Variants in EXOC6B observed in about 807,000 individuals in gnomAD.
The protein encoded by EXOC6B is exocyst complex component 6B.
In EXOC6B, 54 loss-of-function variants were observed where a neutral mutation model predicts 113.5. That is an observed-to-expected ratio of 0.48 (90% CI 0.38 to 0.60). The LOEUF (loss-of-function observed/expected upper bound fraction) is 0.60, where lower values mean the gene tolerates loss of function less well. Among genes scored for constraint, EXOC6B ranks in the 20% least tolerant of loss-of-function variants. The pLI is 0.00. For missense variants in EXOC6B, 797 were observed against 977.5 expected (o/e 0.82, Z 2.46); for synonymous variants, 357 against 339.0 (o/e 1.05, Z -0.58).
Position 72,401,590 on chromosome 2 carries a change from T to TACAC in EXOC6B, c.1981-21721_1981-21720insGTGT, listed in dbSNP as rs1235135215. Among the ~76,000 whole-genome samples the TACAC allele has an allele frequency of 6.1e-4, 26 of 42,792 alleles. 2 individuals carry two copies. The highest frequency in any genetic ancestry group is 2.2e-3 in the Admixed American group (7 of 3,144). 28.1% of individuals were successfully genotyped at this position (42,792 alleles called of 152,430 possible). A position where few individuals can be genotyped will look rare whatever the true frequency, so the allele number is the denominator to read the frequency against. On this transcript the variant is annotated intron_variant, in intron 18 of 21. Coordinates refer to ENST00000272427, the MANE Select transcript of EXOC6B (RefSeq NM_015189.3). The stretch of plus-strand genomic sequence containing the variant: ...ACATATATATATATATACATATATA[T>TACAC]ATATATATATATGTGTATATATATA...
At chr2:72,261,958 G>T (rs1291488905) in intron 20 of EXOC6B, among the ~76,000 whole-genome samples, 4 of 152,146 alleles carry the variant, frequency 2.6e-5, no homozygotes, top group Non-Finnish European at 4.4e-5. Context: ...TGATGAAAGA[G>T]ATGCCCAGGA....
chr2:72,823,470 A>C (rs966248372), intron 1 of EXOC6B, among the ~76,000 whole-genome samples: 13 of 138,366 alleles, frequency 9.4e-5, no homozygotes, highest in East Asian at 2.0e-4. Context: ...AAAAAAAAAA[A>C]AAAAAAAACA....
chr2:72,516,904 C>T lies in EXOC6B; in HGVS notation c.916-1778G>A, dbSNP rs140166319. Among the ~76,000 whole-genome samples the T allele has an allele frequency of 4.8e-3, 732 of 152,190 alleles. 9 individuals carry two copies. Among genetic ancestry groups the T allele is most frequent in the African/African-American group, 0.016 (680 of 41,524 alleles). ...TAAAATCAATGATTAAAGTAAAAGC[C>T]CTGCCCACCTAAAAAAAGTATAAAT... On this transcript the variant is annotated intron_variant, in intron 8 of 21. Transcript: ENST00000272427.
chr2:72,772,628 A>G (rs186162854), intron 1 of EXOC6B, among the ~76,000 whole-genome samples: 1 of 152,160 alleles, frequency 6.6e-6, no homozygotes, highest in Non-Finnish European at 1.5e-5. Flanking sequence ...ACACCCAGGC[A>G]ACAGGACTGA....
intron 19 of EXOC6B, among the ~76,000 whole-genome samples, chr2:72,350,922 C>A (rs1480754486): frequency 2.0e-5 from 3 of 152,154 alleles, no homozygotes; most frequent in Non-Finnish European, 4.4e-5. Flanking sequence ...GCAGCCCTGT[C>A]TTTAAAATGT....
intron 1 of EXOC6B, among the ~76,000 whole-genome samples, chr2:72,797,842 TA>T (rs1345237207): frequency 2.7e-5 from 4 of 149,140 alleles, no homozygotes; most frequent in Non-Finnish European, 4.4e-5. Flanking sequence ...TAATTAATAA[TA>T]ATAATTATCA....
At chr2:72,527,201 C>T (rs1701784441) in intron 8 of EXOC6B, among the ~76,000 whole-genome samples, 1 of 151,938 alleles carries the variant, frequency 6.6e-6, no homozygotes, top group East Asian at 1.9e-4. Flanking sequence ...GGGTATCCAT[C>T]CTTTCAAGCA....
At chr2:72,744,399 C>G (rs1681556557) in intron 1 of EXOC6B, among the ~76,000 whole-genome samples, 1 of 152,194 alleles carries the variant, frequency 6.6e-6, no homozygotes, top group East Asian at 1.9e-4. Flanking sequence ...TCTGCTTTGA[C>G]AAGTAGGAAA....
chr2:72,731,144 C>T lies in EXOC6B; in HGVS notation c.418+11G>A, dbSNP rs1178762170. The stretch of plus-strand genomic sequence containing the variant: ...TACACCAAGAATCCTTCTCCATTTC[C>T]AGTTCCTCACCTGGAAGACACAGCA... On this transcript the variant is annotated intron_variant, in intron 4 of 21. Transcript: ENST00000272427. 4.4e-6 allele frequency: 7 copies of T among 1,608,704 alleles called. No individual in the cohort carries two copies. The highest frequency in any genetic ancestry group is 5.9e-6 in the Non-Finnish European group (7 of 1,177,474).
At chr2:72,807,686 A>G (rs1685654929) in intron 1 of EXOC6B, among the ~76,000 whole-genome samples, 1 of 152,170 alleles carries the variant, frequency 6.6e-6, no homozygotes, top group African/African-American at 2.4e-5. Flanking sequence ...AGATCCTGTC[A>G]TTTGCAATAA....
intron 5 of EXOC6B, among the ~76,000 whole-genome samples, chr2:72,730,527 G>A (rs529205550): frequency 2.0e-5 from 3 of 151,562 alleles, no homozygotes; most frequent in African/African-American, 7.3e-5. Flanking sequence ...ACAATCATGT[G>A]AGCCAATTCC....
At chr2:72,377,616 A>T (rs780173840) in intron 19 of EXOC6B, among the ~76,000 whole-genome samples, 4 of 152,206 alleles carry the variant, frequency 2.6e-5, no homozygotes, top group South Asian at 2.1e-4. Flanking sequence ...CAGAAAGACA[A>T]ATAGTGCATA....
At chr2:72,578,774 GA>G (rs975993728) in intron 6 of EXOC6B, among the ~76,000 whole-genome samples, 3 of 151,946 alleles carry the variant, frequency 2.0e-5, no homozygotes, top group Non-Finnish European at 2.9e-5. Context: ...AGAGATAAAT[GA>G]AAAAAGTAAC....
At chr2:72,342,330 T>C (rs1027265430) in intron 19 of EXOC6B, among the ~76,000 whole-genome samples, 1 of 152,046 alleles carries the variant, frequency 6.6e-6, no homozygotes, top group Admixed American at 6.6e-5. Context: ...GTTAGCTTTC[T>C]TGAAAAGATA....
chr2:72,449,337 AT>A (rs1348772265), intron 18 of EXOC6B, among the ~76,000 whole-genome samples: 1 of 151,688 alleles, frequency 6.6e-6, no homozygotes, highest in Admixed American at 6.6e-5. Flanking sequence ...CGCCCAGCTA[AT>A]TTTTTTGTAT....
chr2:72,735,065 T>C (rs1016020334), intron 2 of EXOC6B, among the ~76,000 whole-genome samples: 1 of 152,194 alleles, frequency 6.6e-6, no homozygotes, highest in African/African-American at 2.4e-5. Context: ...TCAAGCAATG[T>C]GAATAAAAAT....
intron 20 of EXOC6B, among the ~76,000 whole-genome samples, chr2:72,221,308 G>C (rs547952972): frequency 3.3e-5 from 5 of 152,158 alleles, no homozygotes; most frequent in Non-Finnish European, 5.9e-5. Flanking sequence ...CTCTACGTTA[G>C]TTACTAAATT....
chr2:72,182,784 G>A (rs192060307), intron 21 of EXOC6B: 217 of 743,142 alleles, frequency 2.9e-4, no homozygotes, highest in East Asian at 2.5e-3. Flanking sequence ...ATGTCAGGGC[G>A]GGGACAACTC....
intron 19 of EXOC6B, among the ~76,000 whole-genome samples, chr2:72,345,932 A>G (rs927400124): frequency 6.6e-6 from 1 of 152,164 alleles, no homozygotes; most frequent in African/African-American, 2.4e-5. Context: ...GTGGTAGAGC[A>G]GGGAGTATAT....
Sources: allele counts gnomAD v4.1 joint callset (sites outside exome capture counted in the v4.1 genomes callset), GRCh38; gene constraint gnomAD v4.1.1; transcripts MANE v1.5; gene names NCBI Gene and HGNC (gene_info 2026-07-23, HGNC 2026-07-21).